Variants in SNX1 observed in about 807,000 individuals in gnomAD.
SNX1 encodes sorting nexin 1.
A neutral mutation model predicts 71.8 loss-of-function variants in SNX1; 36 were observed. The ratio of observed to expected loss-of-function variants is 0.50; its 90% CI spans 0.38 to 0.66. The LOEUF is 0.66. SNX1 is among the 30% of genes least tolerant of loss of function. The probability of loss-of-function intolerance (pLI) is 0.00; values close to 1 mark genes in which losing one functional copy is unlikely to be tolerated. For missense variants in SNX1, 612 were observed against 646.7 expected, an observed-to-expected ratio of 0.95 and a Z score of 0.58; for synonymous variants, 254 against 240.7, an observed-to-expected ratio of 1.06 and a Z score of -0.51.
At chr15:64,128,114 A>G (rs906724400) in intron 8 of SNX1, among the ~76,000 whole-genome samples, 1 of 152,212 alleles carries the variant, frequency 6.6e-6, no homozygotes, top group African/African-American at 2.4e-5. Context: ...GATTGAATGT[A>G]TATTTTATGC....
At chr15:64,130,067 C>T (rs2081291123) in intron 9 of SNX1, 38 bp downstream of exon 9, 7 of 1,538,258 alleles carry the variant, frequency 4.6e-6, no homozygotes, top group Non-Finnish European at 5.4e-6. Context: ...ACCTACACCT[C>T]AGGCTTATGG....
Position 64,134,638 on chromosome 15 carries a change from GCTC to G in SNX1, c.1222-19_1222-17del, listed in dbSNP as rs369406632. 77 of 1,596,622 alleles carry G rather than the reference GCTC, an allele frequency of 4.8e-5. 1 individual carries two copies. The highest frequency in any genetic ancestry group is 4.7e-4 in the South Asian group (42 of 88,528). On this transcript the variant is annotated intron_variant, in intron 11 of 14. Transcript: ENST00000559844. This position sits in a 1 kb window ranked among gnomAD's most constrained non-coding sequence, Gnocchi z 4.1. The stretch of plus-strand genomic sequence containing the variant: ...GCAGAGCTCTTGAAGAGCTGGTTGT[GCTC>G]CTCCTCAACCCCACCCCCACAGGCT...
rs569418436 is a variant in SNX1, at chr15:64,143,454, A to G, written c.*5836A>G. 2.0e-5 allele frequency: 3 copies of G among 152,344 alleles called. No homozygotes were observed. Among genetic ancestry groups the G allele is most frequent in the East Asian group, 1.9e-4 (1 of 5,186 alleles). The allele number at this position is 152,344 out of a possible 1,614,324, so 9.4% of individuals were successfully genotyped here. A position where few individuals can be genotyped will look rare whatever the true frequency, so the allele number is the denominator to read the frequency against. On this transcript the variant is annotated 3_prime_UTR_variant, in exon 15 of 15. Transcript: ENST00000559844. The stretch of plus-strand genomic sequence containing the variant: ...CAGGCTCAAAACAGGTGTCAAATAG[A>G]TAACTGTTGAATGATTGTTCCCCAG...
intron 2 of SNX1, among the ~76,000 whole-genome samples, chr15:64,117,809 A>G (rs1279590180): frequency 6.6e-6 from 1 of 152,166 alleles, no homozygotes; most frequent in East Asian, 1.9e-4. Context: ...AATAAAATTG[A>G]TAAACTTATT....
chr15:64,136,823 CA>C, intron 13 of SNX1, 37 bp from the exon 14 acceptor site: 1 of 1,550,628 alleles, frequency 6.4e-7, no homozygotes, highest in Non-Finnish European at 8.9e-7. Flanking sequence ...AAAGGGAAAG[CA>C]AAAACTGGAT....
In SNX1 at chr15:64,133,079, G is replaced by A. The variant is rs530949156; in HGVS notation, c.1221+1187G>A. On this transcript the variant is annotated intron_variant, in intron 11 of 14. Coordinates refer to ENST00000559844, the MANE Select transcript of SNX1 (RefSeq NM_003099.5). ...GTGAGGGCCTTGCTTAGAGCTACATGGGCTGGGGCTGGGGAAGTGTGCCTC... is the reference window on the plus strand; with the variant it reads ...GTGAGGGCCTTGCTTAGAGCTACATAGGCTGGGGCTGGGGAAGTGTGCCTC... Among the ~76,000 whole-genome samples the A allele has an allele frequency of 8.5e-5, 13 of 152,346 alleles. No homozygotes were observed. In the East Asian group the frequency reaches 2.5e-3, roughly 29 times the overall value.
intron 1 of SNX1, chr15:64,111,462 G>A (rs2081077363): frequency 6.6e-6 from 1 of 152,216 alleles, no homozygotes; most frequent in African/African-American, 2.4e-5. Context: ...AATTTTTTAA[G>A]ACTAGTCAAG....
chr15:64,122,118 A>T (rs974972468), intron 4 of SNX1, among the ~76,000 whole-genome samples: 2 of 152,142 alleles, frequency 1.3e-5, no homozygotes, highest in African/African-American at 4.8e-5. Context: ...ATATCTGAAG[A>T]TCCTGCTTTT....
chr15:64,133,752 G>A (rs1282064886), intron 11 of SNX1, among the ~76,000 whole-genome samples: 2 of 152,154 alleles, frequency 1.3e-5, no homozygotes, highest in Non-Finnish European at 2.9e-5. Flanking sequence ...AAATATTCGG[G>A]GAACTTTTGC....
chr15:64,136,853 T>G lies in SNX1; in HGVS notation c.1447-8T>G. 6.2e-7 allele frequency: 1 copy of G among 1,611,298 alleles called. No homozygotes were observed. Among genetic ancestry groups the G allele is most frequent in the Non-Finnish European group, 8.5e-7 (1 of 1,177,692 alleles). On this transcript the variant is annotated splice_polypyrimidine_tract_variant and splice_region_variant and intron_variant, in intron 13 of 14. Transcript: ENST00000559844. ...ACTGGATGGTCAGTGTAGAATCTTG[T>G]CTCCTAGAAAGAGAAATCCAAGGAC... is the stretch of plus-strand genomic sequence containing the variant.
chr15:64,137,523 G>C, intron 14 of SNX1, 45 bp from the exon 15 acceptor site: 1 of 1,612,168 alleles, frequency 6.2e-7, no homozygotes, highest in African/African-American at 1.3e-5. Flanking sequence ...CTTAGGCTCT[G>C]CCACTAGGTG....
intron 4 of SNX1, among the ~76,000 whole-genome samples, chr15:64,123,075 G>C (rs2081212363): frequency 6.6e-6 from 1 of 152,140 alleles, no homozygotes; most frequent in Non-Finnish European, 1.5e-5. Context: ...AGAACTACTT[G>C]TTTCCTTTTA....
At position 64,130,040 on chromosome 15, in the gene SNX1, C is replaced by G; in HGVS notation, c.921+11C>G. 1 of 1,594,860 alleles carries G rather than the reference C, an allele frequency of 6.3e-7. No individual in the cohort carries two copies. The highest frequency in any genetic ancestry group is 8.6e-7 in the Non-Finnish European group (1 of 1,162,626). On this transcript the variant is annotated intron_variant, in intron 9 of 14. Transcript: ENST00000559844. ...AATGAATCAGACATTGTGAGTAGCC[C>G]TGTGCCTCTTACCTCCACCTACACC...
At position 64,112,561 on chromosome 15, in the gene SNX1, CT is replaced by C. The variant is rs1475355048; in HGVS notation, c.160-9del. ...TGGTAATGTTTTATTCAGAGTATCT[CT>C]TTGTTTTCAGAGTAAACATCAGTCT... On this transcript the variant is annotated splice_polypyrimidine_tract_variant and intron_variant, in intron 1 of 14. Transcript: ENST00000559844. The C allele has an allele frequency of 6.4e-7, 1 of 1,560,844 alleles. No individual in the cohort carries two copies. The highest frequency in any genetic ancestry group is 2.2e-5 in the East Asian group (1 of 44,576).
chr15:64,130,708 T>C (rs772277112), intron 10 of SNX1, among the ~76,000 whole-genome samples: 8 of 152,246 alleles, frequency 5.3e-5, no homozygotes, highest in Admixed American at 3.3e-4. Context: ...TCTGCATCTC[T>C]CTTTAGTGAA....
At chr15:64,096,274 C>T (rs1452382449) in intron 1 of SNX1, 102 bp downstream of exon 1, 2 of 1,381,988 alleles carry the variant, frequency 1.4e-6, no homozygotes, top group African/African-American at 2.9e-5. Flanking sequence ...CCCGGTGAGA[C>T]CTTGCCTCGG....
Position 64,118,117 on chromosome 15 carries a change from A to G in SNX1, c.272A>G (p.Asp91Gly). 6.2e-7 allele frequency: 1 copy of G among 1,610,688 alleles called. No homozygotes were observed. Among genetic ancestry groups the G allele is most frequent in the Middle Eastern group, 1.7e-4 (1 of 5,988 alleles). Residue 91 changes from aspartate (D) to glycine (G), a missense_variant and splice_region_variant, in exon 3 of 15, where the codon GAT (aspartate) becomes GGT (glycine). Asp to Gly is a moderately conservative substitution (Grantham distance 94). Around this residue, in one of 2 missense-constraint regions of SNX1, gnomAD observed 316 missense variants for 284.9 expected, o/e 1.11. Coordinates refer to ENST00000559844, the MANE Select transcript of SNX1 (RefSeq NM_003099.5). ...QDQEPQDLFA[D>G]ATVELSLDST... ...TTTTAAAATATCAACTTCATTTTAGATGCCACAGTGGAGCTATCCTTGGAC... is the reference window on the plus strand; with the variant it reads ...TTTTAAAATATCAACTTCATTTTAGGTGCCACAGTGGAGCTATCCTTGGAC...
intron 4 of SNX1, among the ~76,000 whole-genome samples, chr15:64,122,693 A>C (rs2081208158): frequency 6.6e-6 from 1 of 152,164 alleles, no homozygotes; most frequent in East Asian, 1.9e-4. Flanking sequence ...GGCAGGGAAC[A>C]AAACCAACCC....
chr15:64,103,790 C>T (rs2080989263), intron 1 of SNX1, among the ~76,000 whole-genome samples: 1 of 152,190 alleles, frequency 6.6e-6, no homozygotes, highest in Non-Finnish European at 1.5e-5. Flanking sequence ...AACACATCCT[C>T]ATTAAGTTTC....
Sources: gnomAD v4.1 joint callset for allele counts (sites outside exome capture counted in the v4.1 genomes callset) on GRCh38, gnomAD v4.1.1 for gene constraint, gnomAD v4.1.1 regional missense constraint, Gnocchi (gnomAD v3.1) non-coding constraint, MANE v1.5 for transcripts, NCBI Gene and HGNC (gene_info 2026-07-23, HGNC 2026-07-21) for gene names.